ABCA4: variants seen among roughly 807,000 people sequenced by gnomAD.
ABCA4 encodes retinal-specific phospholipid-transporting ATPase ABCA4.
In ABCA4, 196 loss-of-function variants were observed where a neutral mutation model predicts 263.7. The observed-to-expected ratio is 0.74, with a 90% CI of 0.66 to 0.84. The LOEUF (loss-of-function observed/expected upper bound fraction) is 0.84, where lower values mean the gene tolerates loss of function less well. ABCA4 is among the 40% of genes least tolerant of loss of function. ABCA4 has a pLI of 0.00. For missense variants in ABCA4, 2,792 were observed against 2,855.1 expected, an observed-to-expected ratio of 0.98 and a Z score of 0.50; for synonymous variants, 1,133 against 1,094.2, an observed-to-expected ratio of 1.04 and a Z score of -0.70.
Position 94,113,085 on chromosome 1 carries a change from A to AAGAG in ABCA4, c.67-23_67-20dup, listed in dbSNP as rs1275820554. On this transcript the variant is annotated intron_variant, in intron 1 of 49. Coordinates refer to ENST00000370225, the MANE Select transcript of ABCA4 (RefSeq NM_000350.3). ...AGCGAATCTGGAAAAACAAAACAAA[A>AAGAG]AGAGAGAAAGTTCAGTGGTGCTAAG... 4.4e-6 allele frequency: 7 copies of AAGAG among 1,608,174 alleles called. No homozygotes were observed. The highest frequency in any genetic ancestry group is 6.0e-6 in the Non-Finnish European group (7 of 1,174,886).
chr1:94,027,882 G>A (rs1178645456), intron 30 of ABCA4, among the ~76,000 whole-genome samples: 1 of 152,164 alleles, frequency 6.6e-6, no homozygotes, highest in Non-Finnish European at 1.5e-5. Flanking sequence ...TGCCTTATTG[G>A]CTGATGAGGC....
intron 36 of ABCA4, among the ~76,000 whole-genome samples, chr1:94,017,798 GA>G (rs969314199): frequency 1.3e-5 from 2 of 151,730 alleles, no homozygotes; most frequent in Non-Finnish European, 2.9e-5. Context: ...AAATGACTAA[GA>G]AAAAAAGGTT....
At chr1:94,000,760 C>T (rs751888396) in intron 47 of ABCA4, 76 bp downstream of exon 47, 1 of 1,483,846 alleles carries the variant, frequency 6.7e-7, no homozygotes, top group Admixed American at 1.7e-5. Flanking sequence ...AGGACTCTTC[C>T]AAGTGTCAAT....
At chr1:94,052,235 G>T (rs1259147231) in intron 16 of ABCA4, among the ~76,000 whole-genome samples, 3 of 152,194 alleles carry the variant, frequency 2.0e-5, no homozygotes, top group Admixed American at 1.3e-4. Flanking sequence ...AGGTAATCCA[G>T]TTCTAATGTC....
chr1:94,054,304 G>A (rs1660913368), intron 16 of ABCA4, among the ~76,000 whole-genome samples: 1 of 152,334 alleles, frequency 6.6e-6, no homozygotes, highest in Non-Finnish European at 1.5e-5. Context: ...ACTAAGGGCA[G>A]AGAGTCAGTA....
chr1:94,117,028 T>TTTC (rs2101180128), intron 1 of ABCA4, among the ~76,000 whole-genome samples: 1 of 109,920 alleles, frequency 9.1e-6, no homozygotes, highest in East Asian at 2.6e-4. Flanking sequence ...CTTTCTTTCC[T>TTTC]TTTCTTTCTT....
intron 11 of ABCA4, among the ~76,000 whole-genome samples, chr1:94,071,099 T>A (rs1028355222): frequency 6.6e-6 from 1 of 152,210 alleles, no homozygotes; most frequent in African/African-American, 2.4e-5. Flanking sequence ...ATGTTTTGAA[T>A]TGGATTTGTA....
chr1:93,993,220 A>C lies in ABCA4; in HGVS notation c.*17T>G, dbSNP rs754777067. 6.2e-7 allele frequency: 1 copy of C among 1,613,906 alleles called. No homozygotes were observed. The highest frequency in any genetic ancestry group is 8.5e-7 in the Non-Finnish European group (1 of 1,179,852). ...CCAGAGTTCCTTTCTGGCTGCAGGAACGAGCGGTGTGAAAGATCAGTCCTG... is the reference window on the plus strand; with the variant it reads ...CCAGAGTTCCTTTCTGGCTGCAGGACCGAGCGGTGTGAAAGATCAGTCCTG... On this transcript the variant is annotated 3_prime_UTR_variant, in exon 50 of 50. Coordinates refer to ENST00000370225, the MANE Select transcript of ABCA4 (RefSeq NM_000350.3).
chr1:94,062,522 ACTC>A, intron 13 of ABCA4, 52 bp downstream of exon 13: 1 of 1,083,448 alleles, frequency 9.2e-7, no homozygotes, highest in African/African-American at 1.6e-5. Context: ...ACCCCAGCCC[ACTC>A]CAGCACCCCC....
At chr1:94,040,946 C>G (rs983308413) in intron 23 of ABCA4, among the ~76,000 whole-genome samples, 1 of 152,216 alleles carries the variant, frequency 6.6e-6, no homozygotes, top group Non-Finnish European at 1.5e-5. Flanking sequence ...TTCTATGTTG[C>G]ACCAAACCGC....
chr1:94,052,613 CTAAT>C (rs1660870019), intron 16 of ABCA4, among the ~76,000 whole-genome samples: 1 of 152,164 alleles, frequency 6.6e-6, no homozygotes, highest in Non-Finnish European at 1.5e-5. Flanking sequence ...TTTTAATCAA[CTAAT>C]TTTCATCTAT....
In ABCA4 at chr1:94,063,109, C is replaced by G. The variant is rs1383335519; in HGVS notation, c.1760+3G>C. The stretch of plus-strand genomic sequence containing the variant: ...ATGCAGCGAGCCCTTCCTGAAACAT[C>G]ACCTGTCTTTAATCTTATTGGTTTT... On this transcript the variant is annotated splice_donor_region_variant and intron_variant, in intron 12 of 49. Coordinates refer to ENST00000370225, the MANE Select transcript of ABCA4 (RefSeq NM_000350.3). 5 of 1,612,122 alleles carry G rather than the reference C, an allele frequency of 3.1e-6. No individual in the cohort carries two copies. The African/African-American group carries it at 4.0e-5, about 13-fold the overall frequency.
rs17110776 is a variant in ABCA4, at chr1:94,002,381, C to T, written c.6148-389G>A. On this transcript the variant is annotated intron_variant, in intron 44 of 49. Coordinates refer to ENST00000370225, the MANE Select transcript of ABCA4 (RefSeq NM_000350.3). ...TTGATCCCACCCGTCAAGAGGGTTA[C>T]ACCCAAAGCCTTGTGCATCCGACAC... Among the ~76,000 whole-genome samples the T allele has an allele frequency of 0.019, 2,940 of 152,344 alleles. 84 individuals carry two copies. The highest frequency in any genetic ancestry group is 0.06 in the African/African-American group (2,488 of 41,564).
At chr1:94,116,126 A>G (rs539268041) in intron 1 of ABCA4, among the ~76,000 whole-genome samples, 38 of 152,290 alleles carry the variant, frequency 2.5e-4, no homozygotes, top group African/African-American at 8.7e-4. Context: ...GGTCTCCACA[A>G]GGCACGGTGA....
intron 34 of ABCA4, 114 bp from the exon 35 acceptor site, chr1:94,021,523 C>T: frequency 6.6e-7 from 1 of 1,526,176 alleles, no homozygotes; most frequent in African/African-American, 1.4e-5. Context: ...GAAGACATTC[C>T]TTGCTAGATT....
rs1330572103 is a variant in ABCA4 at position 94,013,618 on chromosome 1, G to GTGTGGAT, written c.5460+924_5460+925insATCCACA. Among the ~76,000 whole-genome samples, 4 of 152,194 alleles carry GTGTGGAT rather than the reference G, an allele frequency of 2.6e-5. No homozygotes were observed. The East Asian group carries it at 7.7e-4, about 29-fold the overall frequency. The stretch of plus-strand genomic sequence containing the variant: ...GGGGACTGGGAGTGTGGAGTGTGGA[G>GTGTGGAT]TAAAGACAGCCCTGCAGCGACTGCC... On this transcript the variant is annotated intron_variant, in intron 38 of 49. Coordinates refer to ENST00000370225, the MANE Select transcript of ABCA4 (RefSeq NM_000350.3).
intron 30 of ABCA4, among the ~76,000 whole-genome samples, chr1:94,027,977 G>C (rs977959052): frequency 6.6e-6 from 1 of 152,198 alleles, no homozygotes; most frequent in Admixed American, 6.5e-5. Flanking sequence ...GAAACAAGTT[G>C]TGTCTTGTTT....
intron 8 of ABCA4, among the ~76,000 whole-genome samples, chr1:94,080,112 C>T (rs893769761): frequency 2.0e-5 from 3 of 152,158 alleles, no homozygotes; most frequent in African/African-American, 7.2e-5. Context: ...AAGCATCCCA[C>T]AGCCGTGTTT....
rs1658906092 is a variant in ABCA4, at chr1:93,992,837, T to C, written c.*400A>G. ...CCAGGGAGACTGTGAATTAGGATAGTTTGTGATGAGTGCATTTGCATTTTA... is the reference window on the plus strand; with the variant it reads ...CCAGGGAGACTGTGAATTAGGATAGCTTGTGATGAGTGCATTTGCATTTTA... On this transcript the variant is annotated 3_prime_UTR_variant, in exon 50 of 50. Coordinates refer to ENST00000370225, the MANE Select transcript of ABCA4 (RefSeq NM_000350.3). 1 of 308,742 alleles carries C rather than the reference T, an allele frequency of 3.2e-6. No homozygotes were observed. Among genetic ancestry groups the C allele is most frequent in the Non-Finnish European group, 6.3e-6 (1 of 158,004 alleles). The allele number at this position is 308,742 out of a possible 1,614,324, so 19.1% of individuals were successfully genotyped here. A position where few individuals can be genotyped will look rare whatever the true frequency, so the allele number is the denominator to read the frequency against.
Sources: gnomAD v4.1 joint callset for allele counts (sites outside exome capture counted in the v4.1 genomes callset) on GRCh38, gnomAD v4.1.1 for gene constraint, MANE v1.5 for transcripts, NCBI Gene and HGNC (gene_info 2026-07-23, HGNC 2026-07-21) for gene names.